The following OVCH1 variants were observed in gnomAD, a reference collection of about 807,000 sequenced individuals.
OVCH1 encodes the protein ovochymase 1, also known as ovochymase-1.
A neutral mutation model predicts 138.4 loss-of-function variants in OVCH1; 139 were observed. The ratio of observed to expected loss-of-function variants is 1.00; its 90% CI spans 0.87 to 1.16. OVCH1 has a LOEUF of 1.16. OVCH1 is among the 50% of genes most tolerant of loss of function. The pLI, the probability that OVCH1 is intolerant of heterozygous loss-of-function variation, is 0.00. For missense variants in OVCH1, 1,367 were observed against 1,357.9 expected, an observed-to-expected ratio of 1.01 and a Z score of -0.11; for synonymous variants, 453 against 467.8, an observed-to-expected ratio of 0.97 and a Z score of 0.41.
intron 8 of OVCH1, among the ~76,000 whole-genome samples, chr12:29,480,055 C>T (rs1003971423): frequency 2.0e-5 from 3 of 152,076 alleles, no homozygotes; most frequent in African/African-American, 7.2e-5. Context: ...AACTCCTGAC[C>T]TCATGACCTG....
intron 4 of OVCH1, among the ~76,000 whole-genome samples, chr12:29,493,786 T>A (rs1237028118): frequency 6.6e-6 from 1 of 152,208 alleles, no homozygotes; most frequent in Non-Finnish European, 1.5e-5. Flanking sequence ...CTATTCTCTA[T>A]CTTGAAATTT....
At chr12:29,460,734 T>G (rs1385374594) in intron 19 of OVCH1, among the ~76,000 whole-genome samples, 1 of 152,036 alleles carries the variant, frequency 6.6e-6, no homozygotes, top group Admixed American at 6.6e-5. Flanking sequence ...GGCTTAATAA[T>G]GCATCCTAGA....
intron 22 of OVCH1, among the ~76,000 whole-genome samples, chr12:29,445,903 G>A (rs1016452104): frequency 6.6e-6 from 1 of 152,072 alleles, no homozygotes; most frequent in African/African-American, 2.4e-5. Flanking sequence ...TTAAGCATGT[G>A]TGGAAAGAAC....
intron 27 of OVCH1, chr12:29,433,625 T>C: frequency 9.6e-7 from 1 of 1,040,444 alleles, no homozygotes; most frequent in Admixed American, 3.7e-5. Context: ...TGTTCATTGC[T>C]CAATCTTCAT....
At chr12:29,456,624 A>T (rs748087654) in intron 19 of OVCH1, among the ~76,000 whole-genome samples, 2 of 152,224 alleles carry the variant, frequency 1.3e-5, no homozygotes, top group Non-Finnish European at 2.9e-5. Flanking sequence ...TAGCACTAAC[A>T]TCTTCTACAT....
At chr12:29,409,364 T>C (rs1940923667), downstream of OVCH1, among the ~76,000 whole-genome samples, 1 of 152,176 alleles carries the variant, frequency 6.6e-6, no homozygotes, top group Non-Finnish European at 1.5e-5. Context: ...TGAATGTATT[T>C]GCTCTTACTT....
intron 22 of OVCH1, among the ~76,000 whole-genome samples, chr12:29,450,668 A>G (rs1221503300): frequency 6.6e-6 from 1 of 152,214 alleles, no homozygotes; most frequent in Non-Finnish European, 1.5e-5. Flanking sequence ...ATTCCTGGGT[A>G]TATACCCAAA....
chr12:29,465,293 G>A, intron 16 of OVCH1, 74 bp from the exon 17 acceptor site: 1 of 1,246,110 alleles, frequency 8.0e-7, no homozygotes, highest in Non-Finnish European at 1.1e-6. Flanking sequence ...CTGCTATAAA[G>A]GACTCTGAGA....
intron 21 of OVCH1, among the ~76,000 whole-genome samples, chr12:29,453,020 T>C (rs2135947624): frequency 6.6e-6 from 1 of 152,310 alleles, no homozygotes; most frequent in Middle Eastern, 3.4e-3. Flanking sequence ...AATAAGGTCA[T>C]TCAAAAAATA....
chr12:29,482,252 A>G (rs1016268252), intron 8 of OVCH1, among the ~76,000 whole-genome samples: 1 of 152,146 alleles, frequency 6.6e-6, no homozygotes, highest in Non-Finnish European at 1.5e-5. Context: ...AAATATACCA[A>G]GTGTATTCTT....
the OVCH1 span, among the ~76,000 whole-genome samples, chr12:29,405,575 G>A: frequency 2.0e-5 from 3 of 152,146 alleles, no homozygotes; most frequent in Admixed American, 6.5e-5. Context: ...CTCTGACGCT[G>A]TAATGATGTT....
At chr12:29,425,017 G>C (rs1230611277), downstream of OVCH1, among the ~76,000 whole-genome samples, 2 of 152,114 alleles carry the variant, frequency 1.3e-5, no homozygotes, top group Non-Finnish European at 2.9e-5. Flanking sequence ...TTTTAAAAGA[G>C]CTAATTAGAT....
chr12:29,491,549 T>C (rs748984495), intron 4 of OVCH1, among the ~76,000 whole-genome samples: 1 of 152,168 alleles, frequency 6.6e-6, no homozygotes, highest in Non-Finnish European at 1.5e-5. Context: ...AGAGATTGAA[T>C]TGATCTTTAA....
chr12:29,427,579 C>A, exon 28 of OVCH1: 1 of 1,551,484 alleles, frequency 6.4e-7, no homozygotes, highest in Non-Finnish European at 8.7e-7. Flanking sequence ...GCCTAAGAAC[C>A]AGAAAGTGAG....
chr12:29,412,977 C>G (rs1338536670), intron 3 of OVCH1, among the ~76,000 whole-genome samples: 7 of 151,602 alleles, frequency 4.6e-5, no homozygotes, highest in Admixed American at 1.3e-4. Flanking sequence ...AGCCTACTAA[C>G]TAACTAGTAT....
Position 29,446,384 on chromosome 12 carries a change from T to C in OVCH1, c.2756-981A>G, listed in dbSNP as rs1420924952. 2.6e-5 allele frequency among the ~76,000 whole-genome samples: 4 copies of C among 152,066 alleles called. No homozygotes were observed. The South Asian group carries it at 6.2e-4, about 24-fold the overall frequency. On this transcript the variant is annotated intron_variant, in intron 22 of 27. Transcript: ENST00000318184. ...TGACCTAATATTTATTTGTAGCAAATAGAAGTGAATGTAACTTTTAAATGA... is the reference window on the plus strand; with the variant it reads ...TGACCTAATATTTATTTGTAGCAAACAGAAGTGAATGTAACTTTTAAATGA...
At chr12:29,427,539 C>T, downstream of OVCH1, 1 of 1,550,388 alleles carries the variant, frequency 6.4e-7, no homozygotes, top group Non-Finnish European at 8.7e-7. Context: ...GCCTCTTCCT[C>T]CATGTGAGGA....
chr12:29,482,424 C>T (rs918846493), intron 8 of OVCH1, among the ~76,000 whole-genome samples: 7 of 152,134 alleles, frequency 4.6e-5, no homozygotes, highest in African/African-American at 7.2e-5. Context: ...TCTCCACCCC[C>T]CTTTCTTGCC....
At chr12:29,469,989 T>A (rs562951149) in intron 16 of OVCH1, among the ~76,000 whole-genome samples, 1 of 152,280 alleles carries the variant, frequency 6.6e-6, no homozygotes, top group African/African-American at 2.4e-5. Flanking sequence ...ATTGCTTTAG[T>A]CTGGATCGAA....
Sources: allele counts gnomAD v4.1 joint callset (sites outside exome capture counted in the v4.1 genomes callset), GRCh38; gene constraint gnomAD v4.1.1; transcripts MANE v1.5; gene names NCBI Gene and HGNC (gene_info 2026-07-23, HGNC 2026-07-21).